SKIC8: variants seen among roughly 807,000 people sequenced by gnomAD.
The protein encoded by SKIC8 is superkiller complex protein 8.
At chr15:78,286,402 A>C in the SKIC8 span, 1 of 370,178 alleles carries the variant, frequency 2.7e-6, no homozygotes. Flanking sequence ...TGAAGCTCAA[A>C]ATGAACAAAG....
the SKIC8 span, among the ~76,000 whole-genome samples, chr15:78,287,014 T>C: frequency 6.6e-6 from 1 of 152,212 alleles, no homozygotes. Context: ...TAAACCCTAA[T>C]GTAAACTACA....
the SKIC8 span, chr15:78,288,511 G>C: frequency 3.5e-6 from 3 of 862,912 alleles, no homozygotes; most frequent in Middle Eastern, 3.5e-4. Flanking sequence ...AGGCAGAAAA[G>C]CAAGAGTTCT....
At chr15:78,297,494 T>C in the SKIC8 span, among the ~76,000 whole-genome samples, 1 of 152,154 alleles carries the variant, frequency 6.6e-6, no homozygotes, top group Non-Finnish European at 1.5e-5. Context: ...AAAACATATG[T>C]GCTTCTTTAC....
At chr15:78,297,736 C>T in the SKIC8 span, among the ~76,000 whole-genome samples, 32 of 152,306 alleles carry the variant, frequency 2.1e-4, no homozygotes, top group South Asian at 6.4e-3. Context: ...GCCAAGTTCA[C>T]GGCCCTCGCA....
the SKIC8 span, among the ~76,000 whole-genome samples, chr15:78,296,517 CT>C: frequency 6.0e-5 from 9 of 149,366 alleles, no homozygotes; most frequent in South Asian, 6.4e-4. Context: ...CTTTGGCGGA[CT>C]TTTTTTTTTC....
At chr15:78,293,366 G>A in the SKIC8 span, 566 of 1,219,672 alleles carry the variant, frequency 4.6e-4, no homozygotes, top group Non-Finnish European at 6.1e-4. Flanking sequence ...ACATTTATTT[G>A]TATTTGCTTT....
At chr15:78,296,836 G>A in the SKIC8 span, among the ~76,000 whole-genome samples, 1 of 152,124 alleles carries the variant, frequency 6.6e-6, no homozygotes, top group Non-Finnish European at 1.5e-5. Flanking sequence ...CACAGGTTTA[G>A]AAATGAAACC....
the SKIC8 span, among the ~76,000 whole-genome samples, chr15:78,291,438 G>A: frequency 2.0e-5 from 3 of 152,164 alleles, no homozygotes; most frequent in Non-Finnish European, 4.4e-5. Flanking sequence ...AGCAGGGTAA[G>A]GGTACATGTA....
the SKIC8 span, among the ~76,000 whole-genome samples, chr15:78,287,401 A>G: frequency 6.6e-6 from 1 of 152,238 alleles, no homozygotes; most frequent in African/African-American, 2.4e-5. Context: ...TTTAACCAGA[A>G]GTGGGCTAGA....
chr15:78,290,114 G>A, the SKIC8 span: 1 of 1,602,578 alleles, frequency 6.2e-7, no homozygotes, highest in Non-Finnish European at 8.5e-7. Flanking sequence ...ACAGAAAAAA[G>A]AAGGACAAAA....
the SKIC8 span, chr15:78,285,140 G>T: frequency 1.1e-6 from 1 of 875,300 alleles, no homozygotes; most frequent in Non-Finnish European, 1.8e-6. Flanking sequence ...AGATAGAGCA[G>T]CTCAGGCCCA....
chr15:78,293,244 A>G, the SKIC8 span: 1 of 1,614,148 alleles, frequency 6.2e-7, no homozygotes, highest in Non-Finnish European at 8.5e-7. Flanking sequence ...TTGTCCCCCA[A>G]GCAACTGACC....
the SKIC8 span, among the ~76,000 whole-genome samples, chr15:78,297,446 TGAG>T: frequency 6.6e-6 from 1 of 152,204 alleles, no homozygotes; most frequent in African/African-American, 2.4e-5. Flanking sequence ...CCACAAATAA[TGAG>T]GATAGACTGT....
chr15:78,284,976 A>C, the SKIC8 span: 1 of 387,830 alleles, frequency 2.6e-6, no homozygotes, highest in Non-Finnish European at 4.7e-6. Flanking sequence ...CAGCTGCAGC[A>C]ATTTCCAAAG....
the SKIC8 span, chr15:78,291,952 G>A: frequency 6.6e-6 from 1 of 152,238 alleles, no homozygotes; most frequent in Non-Finnish European, 1.5e-5. Flanking sequence ...AATGTCCTCT[G>A]CTGCTCCACA....
At chr15:78,289,148 C>T in the SKIC8 span, among the ~76,000 whole-genome samples, 9 of 152,148 alleles carry the variant, frequency 5.9e-5, no homozygotes, top group Admixed American at 4.6e-4. Context: ...GGTATGGTGG[C>T]TCATGTCTGT....
the SKIC8 span, chr15:78,292,301 A>C: frequency 3.5e-6 from 1 of 283,796 alleles, no homozygotes; most frequent in Non-Finnish European, 6.8e-6. Flanking sequence ...TCTGGAAACT[A>C]CAAGCTTTTT....
At chr15:78,288,556 C>G in the SKIC8 span, among the ~76,000 whole-genome samples, 1 of 152,150 alleles carries the variant, frequency 6.6e-6, no homozygotes, top group Non-Finnish European at 1.5e-5. Context: ...CTCAAAACAT[C>G]CACATAACCC....
chr15:78,295,273 C>G, the SKIC8 span: 1 of 555,004 alleles, frequency 1.8e-6, no homozygotes, highest in South Asian at 2.1e-5. Context: ...CAAGGAAGCT[C>G]AAAGTCCAGT....
Sources: gnomAD v4.1 joint callset for allele counts (sites outside exome capture counted in the v4.1 genomes callset) on GRCh38, gnomAD v4.1.1 for gene constraint, MANE v1.5 for transcripts, NCBI Gene and HGNC (gene_info 2026-07-23, HGNC 2026-07-21) for gene names.